CHRM3: variants seen among roughly 807,000 people sequenced by gnomAD.
CHRM3 encodes the protein cholinergic receptor muscarinic 3.
CHRM3 carries 11 observed loss-of-function variants against 41.8 expected under a neutral mutation model. The observed-to-expected ratio is 0.26, with a 90% CI of 0.17 to 0.44. The LOEUF (loss-of-function observed/expected upper bound fraction) is 0.44, where lower values mean the gene tolerates loss of function less well. Ranked by LOEUF, CHRM3 falls within the 20% of genes least tolerant of loss-of-function variation. The probability of loss-of-function intolerance (pLI) is 1.00; values close to 1 mark genes in which losing one functional copy is unlikely to be tolerated. For missense variants in CHRM3, 571 were observed against 745.4 expected (o/e 0.77, Z 2.72); for synonymous variants, 297 against 301.4 (o/e 0.99, Z 0.15).
rs140449531 is a variant in CHRM3, at chr1:239,537,403, G to A, written c.-421-8238G>A. Among the ~76,000 whole-genome samples, 685 of 152,082 alleles carry A rather than the reference G, an allele frequency of 4.5e-3. 4 individuals carry two copies. Among genetic ancestry groups the A allele is most frequent in the Non-Finnish European group, 7.2e-3 (492 of 67,994 alleles). On this transcript the variant is annotated intron_variant, in intron 2 of 6. Coordinates refer to ENST00000676153, the MANE Select transcript of CHRM3 (RefSeq NM_001375978.1). The stretch of plus-strand genomic sequence containing the variant: ...AGCAGGAGCAGGCACTTTACGTGGT[G>A]GGAACAAAGGGAGGTGTCACTTACT...
intron 3 of CHRM3, among the ~76,000 whole-genome samples, chr1:239,582,952 C>G (rs948249761): frequency 6.6e-6 from 1 of 152,176 alleles, no homozygotes; most frequent in African/African-American, 2.4e-5. Context: ...TACTCTGCCT[C>G]TTCCCTGTTG....
chr1:239,495,610 C>T (rs1667829172), intron 2 of CHRM3, among the ~76,000 whole-genome samples: 2 of 152,122 alleles, frequency 1.3e-5, no homozygotes, highest in South Asian at 4.1e-4. Flanking sequence ...GCCAGCCTTC[C>T]TCTCTTTGAA....
At chr1:239,702,077 A>G (rs1342790318) in intron 5 of CHRM3, among the ~76,000 whole-genome samples, 1 of 152,110 alleles carries the variant, frequency 6.6e-6, no homozygotes, top group African/African-American at 2.4e-5. Flanking sequence ...AGGAGAAGCA[A>G]TTTCATTCAA....
intron 1 of CHRM3, among the ~76,000 whole-genome samples, chr1:239,455,739 G>C (rs1167428533): frequency 6.6e-6 from 1 of 152,106 alleles, no homozygotes; most frequent in Admixed American, 6.5e-5. Flanking sequence ...AATTTATAAA[G>C]TAAAAATGTT....
At chr1:239,589,128 T>C (rs1267230389) in intron 3 of CHRM3, among the ~76,000 whole-genome samples, 3 of 151,932 alleles carry the variant, frequency 2.0e-5, no homozygotes, top group Non-Finnish European at 4.4e-5. Context: ...GAGACAGGGT[T>C]TCACCATGTT....
At chr1:239,632,953 C>T (rs1481853851) in intron 4 of CHRM3, among the ~76,000 whole-genome samples, 3 of 152,128 alleles carry the variant, frequency 2.0e-5, no homozygotes, top group Non-Finnish European at 4.4e-5. Context: ...TGACAGAAGG[C>T]GAAGGGGAAG....
rs145051904 is a variant in CHRM3, at chr1:239,885,871, G to A, written c.-19-21562G>A. ...CACTGGGTGAAAATATTTATCCTAG[G>A]TCATTCTCCTTGTCTGATGTGTCAC... On this transcript the variant is annotated intron_variant, in intron 6 of 6. Transcript: ENST00000676153. Among the ~76,000 whole-genome samples, 938 of 152,248 alleles carry A rather than the reference G, an allele frequency of 6.2e-3. 9 individuals are homozygous for A. Among genetic ancestry groups the A allele is most frequent in the African/African-American group, 0.021 (852 of 41,552 alleles).
chr1:239,728,066 C>T (rs532657663), intron 5 of CHRM3, among the ~76,000 whole-genome samples: 171 of 152,052 alleles, frequency 1.1e-3, no homozygotes, highest in African/African-American at 3.6e-3. Flanking sequence ...CCTTTTTGCC[C>T]ATTGTTGTTA....
intron 2 of CHRM3, among the ~76,000 whole-genome samples, chr1:239,543,697 A>T (rs942340782): frequency 6.6e-6 from 1 of 151,838 alleles, no homozygotes; most frequent in African/African-American, 2.4e-5. Flanking sequence ...TTTGGTAGAG[A>T]CGGGGTTTCA....
intron 1 of CHRM3, among the ~76,000 whole-genome samples, chr1:239,392,215 C>T (rs1659096800): frequency 6.6e-6 from 1 of 152,142 alleles, no homozygotes; most frequent in Admixed American, 6.5e-5. Flanking sequence ...CACAGCTCCT[C>T]TCCTGACAGT....
At chr1:239,643,338 A>G (rs1365729052) in intron 4 of CHRM3, among the ~76,000 whole-genome samples, 2 of 152,194 alleles carry the variant, frequency 1.3e-5, no homozygotes, top group Admixed American at 6.5e-5. Context: ...GGTTACTGCT[A>G]TCTTTTTATT....
chr1:239,868,729 A>G (rs549912564), intron 6 of CHRM3, among the ~76,000 whole-genome samples: 1 of 152,294 alleles, frequency 6.6e-6, no homozygotes, highest in South Asian at 2.1e-4. Flanking sequence ...AAGGACCCTG[A>G]TCCTTCAGTC....
chr1:239,607,942 A>C (rs934515323), intron 3 of CHRM3, among the ~76,000 whole-genome samples: 1 of 152,052 alleles, frequency 6.6e-6, no homozygotes, highest in African/African-American at 2.4e-5. Context: ...TTGCATTTAG[A>C]ATTAGAGAAA....
chr1:239,836,395 T>C (rs1012321184), intron 6 of CHRM3, among the ~76,000 whole-genome samples: 4 of 152,194 alleles, frequency 2.6e-5, no homozygotes, highest in Non-Finnish European at 5.9e-5. Context: ...TGTTTTTTTT[T>C]AACAGGCAGA....
chr1:239,669,023 G>A (rs897876146), intron 4 of CHRM3, among the ~76,000 whole-genome samples: 20 of 152,094 alleles, frequency 1.3e-4, no homozygotes, highest in African/African-American at 4.8e-4. Context: ...TTTTCTGAGC[G>A]ACTTCATCCT....
chr1:239,830,990 T>A (rs780932791), intron 6 of CHRM3, among the ~76,000 whole-genome samples: 14 of 152,080 alleles, frequency 9.2e-5, no homozygotes, highest in Non-Finnish European at 2.1e-4. Context: ...TGTTTGTATT[T>A]GGGATTTTTT....
At chr1:239,640,442 A>C (rs374743907) in intron 4 of CHRM3, among the ~76,000 whole-genome samples, 1 of 152,020 alleles carries the variant, frequency 6.6e-6, no homozygotes, top group African/African-American at 2.4e-5. Flanking sequence ...ACAATTTCAG[A>C]TCCTGTTATT....
intron 6 of CHRM3, among the ~76,000 whole-genome samples, chr1:239,871,772 T>C (rs1418981158): frequency 6.6e-6 from 1 of 152,192 alleles, no homozygotes; most frequent in Non-Finnish European, 1.5e-5. Flanking sequence ...GATTACTGCC[T>C]TAGACCTGAT....
chr1:239,420,314 G>A (rs185437660), intron 1 of CHRM3, among the ~76,000 whole-genome samples: 150 of 152,276 alleles, frequency 9.9e-4, no homozygotes, highest in Non-Finnish European at 1.5e-3. Context: ...GCATGGTAGT[G>A]AGCACAGAGT....
Sources: allele counts gnomAD v4.1 joint callset (sites outside exome capture counted in the v4.1 genomes callset), GRCh38; gene constraint gnomAD v4.1.1; transcripts MANE v1.5; gene names NCBI Gene and HGNC (gene_info 2026-07-23, HGNC 2026-07-21).